The following ALPK1 variants were observed in gnomAD, a reference collection of about 807,000 sequenced individuals.
ALPK1 encodes alpha kinase 1.
In ALPK1, 110 loss-of-function variants were observed where a neutral mutation model predicts 120.6. The observed-to-expected ratio is 0.91, with a 90% confidence interval of 0.78 to 1.07. The LOEUF is 1.07. Among genes scored for constraint, ALPK1 ranks in the 50% least tolerant of loss-of-function variants. The probability of loss-of-function intolerance (pLI) is 0.00; values close to 1 mark genes in which losing one functional copy is unlikely to be tolerated. For synonymous variants in ALPK1, 582 were observed against 560.3 expected, an observed-to-expected ratio of 1.04 and a Z score of -0.55; for missense variants, 1,498 against 1,483.9, an observed-to-expected ratio of 1.01 and a Z score of -0.16.
intron 11 of ALPK1, among the ~76,000 whole-genome samples, chr4:112,433,744 T>C (rs986256948): frequency 2.0e-5 from 3 of 152,158 alleles, no homozygotes; most frequent in Non-Finnish European, 2.9e-5. Context: ...AAAAAGATTG[T>C]GAAGCACTTC....
In ALPK1 at chr4:112,441,009, AAG is replaced by A. The variant is rs772790120; in HGVS notation, c.3636_3637del (p.Gly1213AsnfsTer6). 10 of 1,613,932 alleles carry A rather than the reference AAG, an allele frequency of 6.2e-6. No homozygotes were observed. Among genetic ancestry groups the A allele is most frequent in the South Asian group, 2.2e-5 (2 of 91,088 alleles). The part of the protein sequence containing the change: ...DQKVFTTNFG[K>X]RGIFYFFNNQ... ...GAAAGTTTTCACTACCAATTTTGGA[AAG>A]AGAGGAATTTTTTACTTCTTTAATA... On this transcript the variant is annotated frameshift_variant, in exon 15 of 16. Transcript: ENST00000650871. LOFTEE classifies it high-confidence loss of function.
At position 112,426,498 on chromosome 4, in the gene ALPK1, G is replaced by A; in HGVS notation, c.654G>A (p.Trp218Ter). ...GMWYEAAELI[W>*]ASIVGYLALP... The stretch of plus-strand genomic sequence containing the variant: ...GGTACGAAGCAGCAGAGTTAATATG[G>A]GCCTCCATTGTAGGATATTTGGCAC... The change falls in exon 8 of 16, where the codon TGG becomes TGA. Residue 218 changes from tryptophan to a stop codon, truncating the protein, a stop_gained. Coordinates refer to ENST00000650871, the MANE Select transcript of ALPK1 (RefSeq NM_025144.4). LOFTEE classifies it high-confidence loss of function. 1 of 1,599,808 alleles carries A rather than the reference G, an allele frequency of 6.3e-7. No homozygotes were observed. The highest frequency in any genetic ancestry group is 1.1e-5 in the South Asian group (1 of 87,950).
chr4:112,412,270 T>C, intron 5 of ALPK1: 1 of 632,020 alleles, frequency 1.6e-6, no homozygotes, highest in Admixed American at 2.3e-5. Context: ...GTGTGGAAAA[T>C]ACTAATTGGA....
chr4:112,298,882 T>TGG (rs1313826576), intron 1 of ALPK1, among the ~76,000 whole-genome samples: 2 of 152,156 alleles, frequency 1.3e-5, no homozygotes, highest in Non-Finnish European at 2.9e-5. Context: ...CAAACAATTT[T>TGG]ACTGATCCCT....
intron 5 of ALPK1, among the ~76,000 whole-genome samples, chr4:112,413,496 G>A (rs1309820831): frequency 1.3e-5 from 2 of 152,192 alleles, no homozygotes; most frequent in East Asian, 3.8e-4. Flanking sequence ...ACAACCCACT[G>A]CAGCCTCGAC....
At chr4:112,335,509 G>T (rs1729575011) in intron 2 of ALPK1, among the ~76,000 whole-genome samples, 1 of 152,134 alleles carries the variant, frequency 6.6e-6, no homozygotes, top group Non-Finnish European at 1.5e-5. Flanking sequence ...GCCATCTTGG[G>T]ATAGAAATGA....
intron 1 of ALPK1, among the ~76,000 whole-genome samples, chr4:112,310,024 C>T (rs1190377273): frequency 1.3e-5 from 2 of 152,086 alleles, no homozygotes; most frequent in African/African-American, 4.8e-5. Context: ...AAGATCAAGA[C>T]TATATCTTTT....
At chr4:112,332,833 G>C (rs1410368416) in intron 2 of ALPK1, among the ~76,000 whole-genome samples, 1 of 152,188 alleles carries the variant, frequency 6.6e-6, no homozygotes, top group Non-Finnish European at 1.5e-5. Flanking sequence ...GTAGCTCAGA[G>C]ACAATTCCAA....
At chr4:112,358,099 C>A (rs1023881849) in intron 2 of ALPK1, 6 of 584,608 alleles carry the variant, frequency 1.0e-5, no homozygotes, top group Non-Finnish European at 1.6e-5. Flanking sequence ...CCTTAAGATG[C>A]GAGATGAAGG....
intron 2 of ALPK1, among the ~76,000 whole-genome samples, chr4:112,329,241 ACC>A (rs1030086010): frequency 2.6e-5 from 4 of 152,230 alleles, no homozygotes; most frequent in Admixed American, 2.6e-4. Flanking sequence ...GGAGAATTGT[ACC>A]CATATTAGAC....
chr4:112,335,909 A>T (rs1385037970), intron 2 of ALPK1, among the ~76,000 whole-genome samples: 2 of 152,072 alleles, frequency 1.3e-5, no homozygotes, highest in Non-Finnish European at 2.9e-5. Flanking sequence ...ATCTGAATGG[A>T]TATGGGAAGT....
At position 112,358,794 on chromosome 4, in the gene ALPK1, A is replaced by G. The variant is rs368848376; in HGVS notation, c.-100-18884A>G. 41 of 827,284 alleles carry G rather than the reference A, an allele frequency of 5.0e-5. 1 individual carries two copies. In the Middle Eastern group the frequency reaches 8.8e-4, roughly 18 times the overall value. The allele number at this position is 827,284 out of a possible 1,614,324, so 51.2% of individuals were successfully genotyped here. On this transcript the variant is annotated intron_variant, in intron 2 of 15. Transcript: ENST00000650871. ...CACGGCCAAGCTCTTCATGGTGGCC[A>G]TGAAGTAGGAGCTGAGCCAAGCCAA...
intron 4 of ALPK1, among the ~76,000 whole-genome samples, chr4:112,398,648 G>T (rs1732774977): frequency 6.6e-6 from 1 of 152,220 alleles, no homozygotes; most frequent in South Asian, 2.1e-4. Flanking sequence ...AAAGTCAAGA[G>T]CAGGGAACTG....
chr4:112,405,231 A>G (rs190121902), intron 4 of ALPK1, among the ~76,000 whole-genome samples: 1 of 152,332 alleles, frequency 6.6e-6, no homozygotes, highest in East Asian at 1.9e-4. Context: ...ACCATTTCAT[A>G]AAGGATGCCA....
rs1220656252 is a variant in ALPK1, at chr4:112,440,988, G to A, written c.3610G>A (p.Val1204Ile). The change falls in exon 15 of 16, where the codon GTT becomes ATT. Residue 1204 changes from valine (V) to isoleucine (I), a missense_variant. Physicochemically the swap from Val to Ile is conservative, Grantham distance 29. Transcript: ENST00000650871. ...DPQIHSVDQKVFTTNFGKRGI... is the reference protein window; with the variant it reads ...DPQIHSVDQKIFTTNFGKRGI... ...CCAGATTCACTCCGTTGATCAGAAA[G>A]TTTTCACTACCAATTTTGGAAAGAG... 1 of 1,613,930 alleles carries A rather than the reference G, an allele frequency of 6.2e-7. No homozygotes were observed. The highest frequency in any genetic ancestry group is 1.1e-5 in the South Asian group (1 of 91,076).
Position 112,386,362 on chromosome 4 carries a change from G to A in ALPK1, c.276+3810G>A, listed in dbSNP as rs550850916. 3.3e-5 allele frequency among the ~76,000 whole-genome samples: 5 copies of A among 152,308 alleles called. No homozygotes were observed. The South Asian group carries it at 6.2e-4, about 19-fold the overall frequency. Reference sequence around the variant, plus strand: ...CTCCCAGAAAAAACACCTGCAGTACGCTCCCCAAGAAACCTGAAGAGATGG... The same window carrying A: ...CTCCCAGAAAAAACACCTGCAGTACACTCCCCAAGAAACCTGAAGAGATGG... On this transcript the variant is annotated intron_variant, in intron 4 of 15. Transcript: ENST00000650871.
At position 112,429,232 on chromosome 4, in the gene ALPK1, G is replaced by T. The variant is rs201246124; in HGVS notation, c.879G>T (p.Pro293=). ...KLAAAFSAYT[P]LFVLTAVNIR... ...CAGCTGCCTTCAGTGCCTATACGCC[G>T]CTCTTCGTGCTCACAGCTGTGGTAA... is the stretch of plus-strand genomic sequence containing the variant. The change falls in exon 10 of 16, where the codon CCG becomes CCT. Residue 293 remains proline (P), a synonymous_variant. Transcript: ENST00000650871. 3.1e-6 allele frequency: 5 copies of T among 1,612,046 alleles called. No individual in the cohort carries two copies. The highest frequency in any genetic ancestry group is 4.2e-6 in the Non-Finnish European group (5 of 1,179,722).
chr4:112,429,299 A>G (rs1734419671), intron 10 of ALPK1, 46 bp downstream of exon 10: 2 of 1,481,158 alleles, frequency 1.4e-6, no homozygotes, highest in African/African-American at 2.8e-5. Context: ...GACCTCTCCC[A>G]GGGTGCTTTC....
chr4:112,344,814 A>C (rs1401624620), intron 2 of ALPK1, among the ~76,000 whole-genome samples: 2 of 152,234 alleles, frequency 1.3e-5, no homozygotes, highest in South Asian at 2.1e-4. Flanking sequence ...ACAGCATAGC[A>C]CCTAAAGTAC....
Sources: gnomAD v4.1 joint callset for allele counts (sites outside exome capture counted in the v4.1 genomes callset) on GRCh38, gnomAD v4.1.1 for gene constraint, MANE v1.5 for transcripts, NCBI Gene and HGNC (gene_info 2026-07-23, HGNC 2026-07-21) for gene names.